SDK1: variants seen among roughly 807,000 people sequenced by gnomAD.
The protein encoded by SDK1 is protein sidekick-1.
SDK1 carries 157 observed loss-of-function variants against 245.5 expected under a neutral mutation model. The ratio of observed to expected loss-of-function variants is 0.64; its 90% CI spans 0.56 to 0.73. The LOEUF (loss-of-function observed/expected upper bound fraction) is 0.73, where lower values mean the gene tolerates loss of function less well. Among genes scored for constraint, SDK1 ranks in the 30% least tolerant of loss-of-function variants. The pLI, the probability that SDK1 is intolerant of heterozygous loss-of-function variation, is 0.00. For synonymous variants in SDK1, 1,647 were observed against 1,278.5 expected (o/e 1.29, Z -6.15); for missense variants, 3,583 against 3,002.3 (o/e 1.19, Z -4.52).
At chr7:3,340,954 T>A (rs977331239) in intron 1 of SDK1, among the ~76,000 whole-genome samples, 3 of 152,114 alleles carry the variant, frequency 2.0e-5, no homozygotes, top group African/African-American at 7.2e-5. Flanking sequence ...AACACCACTT[T>A]TATTCAGTCT....
At position 3,823,935 on chromosome 7, in the gene SDK1, C is replaced by G. The variant is rs999411557; in HGVS notation, c.847+2352C>G. On this transcript the variant is annotated intron_variant, in intron 5 of 44. Transcript: ENST00000404826. ...AAATGTTAAATGGCAACCAATTATGCTTTTTTGTTTTTTTGTGTTTTTTTT... is the reference window on the plus strand; with the variant it reads ...AAATGTTAAATGGCAACCAATTATGGTTTTTTGTTTTTTTGTGTTTTTTTT... Among the ~76,000 whole-genome samples, 3 of 146,888 alleles carry G rather than the reference C, an allele frequency of 2.0e-5. No homozygotes were observed. In the East Asian group the frequency reaches 5.9e-4, roughly 29 times the overall value.
intron 30 of SDK1, among the ~76,000 whole-genome samples, chr7:4,155,231 C>T (rs1053385723): frequency 1.4e-4 from 22 of 152,042 alleles, no homozygotes; most frequent in Non-Finnish European, 2.8e-4. Context: ...AGGGTTAACT[C>T]CCCCAGATCC....
chr7:3,338,342 C>A, intron 1 of SDK1: 1 of 506,244 alleles, frequency 2.0e-6, no homozygotes, highest in Non-Finnish European at 3.7e-6. Flanking sequence ...ATGCTGTTGG[C>A]ATTGTAAACA....
chr7:3,404,316 T>A (rs538202727), intron 1 of SDK1, among the ~76,000 whole-genome samples: 2 of 152,308 alleles, frequency 1.3e-5, no homozygotes, highest in African/African-American at 4.8e-5. Flanking sequence ...TAACTTATAT[T>A]AATAGCTGCA....
At chr7:3,845,738 A>T (rs979619674) in intron 5 of SDK1, among the ~76,000 whole-genome samples, 17 of 151,846 alleles carry the variant, frequency 1.1e-4, no homozygotes, top group South Asian at 2.1e-4. Context: ...TTAAAAAGAA[A>T]TTCCATTTGC....
intron 28 of SDK1, among the ~76,000 whole-genome samples, chr7:4,140,904 C>G (rs920554258): frequency 3.3e-5 from 5 of 152,250 alleles, no homozygotes; most frequent in Admixed American, 3.3e-4. Flanking sequence ...GAGTTCAAGA[C>G]CAGCCTGTGC....
intron 5 of SDK1, among the ~76,000 whole-genome samples, chr7:3,948,998 G>A (rs1037705887): frequency 2.6e-5 from 4 of 152,218 alleles, no homozygotes; most frequent in South Asian, 2.1e-4. Context: ...TGACAGGCAG[G>A]CCGTTAGTCT....
chr7:4,180,657 T>C (rs965423962), intron 35 of SDK1, among the ~76,000 whole-genome samples: 5 of 152,252 alleles, frequency 3.3e-5, no homozygotes, highest in African/African-American at 1.2e-4. Flanking sequence ...TGGCTCACAA[T>C]TCTGCAGGCT....
chr7:4,207,264 C>T (rs540997899), intron 36 of SDK1, among the ~76,000 whole-genome samples: 5 of 152,194 alleles, frequency 3.3e-5, no homozygotes, highest in Admixed American at 6.5e-5. Context: ...ATGGGCAAGC[C>T]GCTCTAACAG....
intron 34 of SDK1, among the ~76,000 whole-genome samples, chr7:4,176,136 A>G (rs1782194606): frequency 6.6e-6 from 1 of 151,768 alleles, no homozygotes; most frequent in Admixed American, 6.6e-5. Flanking sequence ...TTTTTTAAAG[A>G]AACACTCTTT....
chr7:3,794,441 C>A (rs1778912501), intron 4 of SDK1, among the ~76,000 whole-genome samples: 1 of 152,184 alleles, frequency 6.6e-6, no homozygotes, highest in Admixed American at 6.5e-5. Context: ...ATGTGGAAAC[C>A]TAATCCCCAA....
intron 5 of SDK1, among the ~76,000 whole-genome samples, chr7:3,927,513 T>A (rs1779813622): frequency 6.6e-6 from 1 of 152,146 alleles, no homozygotes; most frequent in Non-Finnish European, 1.5e-5. Flanking sequence ...GTCAGAGAGC[T>A]CATGGGCAGC....
At chr7:3,733,158 G>C (rs1779227777) in intron 4 of SDK1, among the ~76,000 whole-genome samples, 1 of 152,152 alleles carries the variant, frequency 6.6e-6, no homozygotes, top group Non-Finnish European at 1.5e-5. Context: ...ACTATGGATG[G>C]CTCCCTGTGC....
intron 44 of SDK1, 73 bp from the exon 45 acceptor site, chr7:4,265,051 A>T: frequency 6.4e-7 from 1 of 1,553,336 alleles, no homozygotes; most frequent in Non-Finnish European, 8.6e-7. Context: ...CCCCACCGCC[A>T]GGCCTCCTGC....
chr7:3,319,444 C>A (rs548190127), intron 1 of SDK1, among the ~76,000 whole-genome samples: 3 of 152,212 alleles, frequency 2.0e-5, no homozygotes, highest in Admixed American at 2.0e-4. Flanking sequence ...GTGTTCCCAT[C>A]TACACCCATG....
intron 17 of SDK1, among the ~76,000 whole-genome samples, chr7:4,022,918 C>G (rs1035738977): frequency 6.6e-6 from 1 of 151,792 alleles, no homozygotes; most frequent in Non-Finnish European, 1.5e-5. Context: ...GGACCACAGG[C>G]GCCCGCCAAC....
intron 1 of SDK1, among the ~76,000 whole-genome samples, chr7:3,533,245 C>G (rs933609539): frequency 1.3e-5 from 2 of 152,106 alleles, no homozygotes. Context: ...AATCCTATTT[C>G]CAACATGTGG....
chr7:3,577,565 A>G (rs1288902702), intron 1 of SDK1, among the ~76,000 whole-genome samples: 3 of 151,884 alleles, frequency 2.0e-5, no homozygotes, highest in African/African-American at 4.8e-5. Context: ...TAGGTCCATG[A>G]TGGAACCTCC....
intron 35 of SDK1, among the ~76,000 whole-genome samples, chr7:4,180,957 G>A (rs144574193): frequency 1.4e-3 from 214 of 152,252 alleles, no homozygotes; most frequent in Middle Eastern, 3.4e-3. Context: ...GTCTGTCATC[G>A]TGGTAAGATG....
Sources: gnomAD v4.1 joint callset for allele counts (sites outside exome capture counted in the v4.1 genomes callset) on GRCh38, gnomAD v4.1.1 for gene constraint, MANE v1.5 for transcripts, NCBI Gene and HGNC (gene_info 2026-07-23, HGNC 2026-07-21) for gene names.